Variants in AFG1L observed in about 807,000 individuals in gnomAD.
AFG1L encodes the protein AFG1 like ATPase.
AFG1L carries 53 observed loss-of-function variants against 62.2 expected under a neutral mutation model. The ratio of observed to expected loss-of-function variants is 0.85; its 90% CI spans 0.68 to 1.07. The LOEUF (loss-of-function observed/expected upper bound fraction) is 1.07. Ranked by LOEUF, AFG1L falls within the 50% of genes least tolerant of loss-of-function variation. AFG1L has a pLI of 0.00. For synonymous variants in AFG1L, 228 were observed against 210.3 expected, an observed-to-expected ratio of 1.08 and a Z score of -0.73; for missense variants, 555 against 590.5, an observed-to-expected ratio of 0.94 and a Z score of 0.62.
chr6:108,493,964 G>A (rs1773868601), intron 10 of AFG1L, among the ~76,000 whole-genome samples: 1 of 152,114 alleles, frequency 6.6e-6, no homozygotes, highest in South Asian at 2.1e-4. Flanking sequence ...AGCCTCCTGT[G>A]TAGCTACAGG....
At chr6:108,400,689 T>TTATA (rs796516789) in intron 6 of AFG1L, among the ~76,000 whole-genome samples, 5 of 99,022 alleles carry the variant, frequency 5.0e-5, no homozygotes, top group African/African-American at 1.4e-4. Context: ...TATTATATAA[T>TTATA]TATATATATA....
chr6:108,346,021 T>A (rs1164705830), intron 2 of AFG1L, among the ~76,000 whole-genome samples: 1 of 152,200 alleles, frequency 6.6e-6, no homozygotes, highest in Non-Finnish European at 1.5e-5. Flanking sequence ...AGGGAAAGAC[T>A]ACATGGCTGG....
Position 108,524,120 on chromosome 6 carries a change from A to G in AFG1L, c.*1695A>G, listed in dbSNP as rs1775235382. 1 of 152,216 alleles carries G rather than the reference A, an allele frequency of 6.6e-6. No individual in the cohort carries two copies. Among genetic ancestry groups the G allele is most frequent in the Non-Finnish European group, 1.5e-5 (1 of 68,030 alleles). 9.4% of individuals were successfully genotyped at this position (152,216 alleles called of 1,614,324 possible). A position where few individuals can be genotyped will look rare whatever the true frequency, so the allele number is the denominator to read the frequency against. ...TAACACACTGTCTCTTACTCTTACT[A>G]TTTAAAAAAAAGAGATTGTTTTAAA... is the stretch of plus-strand genomic sequence containing the variant. On this transcript the variant is annotated 3_prime_UTR_variant, in exon 13 of 13. Coordinates refer to ENST00000368977, the MANE Select transcript of AFG1L (RefSeq NM_145315.5).
chr6:108,311,909 G>A (rs909090023), intron 1 of AFG1L, among the ~76,000 whole-genome samples: 1 of 151,836 alleles, frequency 6.6e-6, no homozygotes, highest in African/African-American at 2.4e-5. Flanking sequence ...CTGTTGCCCA[G>A]GCTTGAGTAA....
At chr6:108,468,107 T>G (rs1201676379) in intron 8 of AFG1L, among the ~76,000 whole-genome samples, 1 of 152,190 alleles carries the variant, frequency 6.6e-6, no homozygotes, top group East Asian at 1.9e-4. Context: ...TGCCTTCAGA[T>G]GCCTGTTTTT....
intron 6 of AFG1L, among the ~76,000 whole-genome samples, chr6:108,396,503 T>C (rs1356032212): frequency 6.6e-6 from 1 of 152,198 alleles, no homozygotes; most frequent in African/African-American, 2.4e-5. Flanking sequence ...TTGTTTTGTT[T>C]TTTTTGAGGC....
In AFG1L at chr6:108,298,219, G is replaced by T. The variant is rs1776844586; in HGVS notation, c.139+3001G>T. On this transcript the variant is annotated intron_variant, in intron 1 of 12. Coordinates refer to ENST00000368977, the MANE Select transcript of AFG1L (RefSeq NM_145315.5). ...TCTAAGCCTGTTTGAAGTGTTATAA[G>T]ACTGCAGAGGAGGAAGCAGCTCTGC... Among the ~76,000 whole-genome samples, 5 of 150,922 alleles carry T rather than the reference G, an allele frequency of 3.3e-5. 1 individual carries two copies. In the South Asian group the frequency reaches 1.0e-3, roughly 32 times the overall value.
intron 10 of AFG1L, among the ~76,000 whole-genome samples, chr6:108,497,606 T>C (rs980299127): frequency 2.6e-5 from 4 of 152,114 alleles, no homozygotes; most frequent in Non-Finnish European, 4.4e-5. Context: ...TTCTAGTTCT[T>C]GTATACAGTA....
intron 1 of AFG1L, among the ~76,000 whole-genome samples, chr6:108,310,526 T>G (rs1364001427): frequency 2.0e-5 from 3 of 152,046 alleles, no homozygotes; most frequent in African/African-American, 7.2e-5. Context: ...TTATCAGAGA[T>G]GTGATTTGCA....
At chr6:108,447,885 C>A (rs1000609241) in intron 8 of AFG1L, among the ~76,000 whole-genome samples, 1 of 151,994 alleles carries the variant, frequency 6.6e-6, no homozygotes, top group East Asian at 1.9e-4. Flanking sequence ...TTTGTGAGAA[C>A]GTGAAAAGGA....
At chr6:108,497,436 G>T (rs1774016630) in intron 10 of AFG1L, among the ~76,000 whole-genome samples, 1 of 150,502 alleles carries the variant, frequency 6.6e-6, no homozygotes. Context: ...TTTTTCTGTT[G>T]CAATGCTGTT....
chr6:108,475,983 G>C (rs925913309), intron 8 of AFG1L, among the ~76,000 whole-genome samples: 4 of 152,160 alleles, frequency 2.6e-5, no homozygotes, highest in Admixed American at 2.6e-4. Context: ...TCAAAATTAA[G>C]CATATTGGCA....
At chr6:108,466,526 C>G (rs796405998) in intron 8 of AFG1L, among the ~76,000 whole-genome samples, 4 of 151,840 alleles carry the variant, frequency 2.6e-5, no homozygotes, top group South Asian at 4.2e-4. Context: ...AGGATAGGGC[C>G]TTAATCCAAT....
chr6:108,312,296 T>C (rs1353043293), intron 1 of AFG1L, among the ~76,000 whole-genome samples: 1 of 152,056 alleles, frequency 6.6e-6, no homozygotes, highest in African/African-American at 2.4e-5. Flanking sequence ...CCCAGCACTT[T>C]GGGAGCCGGA....
chr6:108,397,277 G>GCCA (rs1781358604), intron 6 of AFG1L, among the ~76,000 whole-genome samples: 1 of 152,174 alleles, frequency 6.6e-6, no homozygotes, highest in South Asian at 2.1e-4. Flanking sequence ...ACAGGCGTGT[G>GCCA]CCACCACACC....
chr6:108,498,118 G>A (rs1431217780), intron 10 of AFG1L, among the ~76,000 whole-genome samples: 2 of 152,132 alleles, frequency 1.3e-5, no homozygotes, highest in African/African-American at 2.4e-5. Flanking sequence ...CAGGCTAGCC[G>A]AGGTATTGCA....
intron 6 of AFG1L, among the ~76,000 whole-genome samples, chr6:108,393,618 A>G (rs1476222511): frequency 1.3e-5 from 2 of 152,146 alleles, no homozygotes; most frequent in Non-Finnish European, 2.9e-5. Context: ...TACATCTCTC[A>G]TTGTCATTAA....
At position 108,361,303 on chromosome 6, in the gene AFG1L, T is replaced by C. The variant is rs115214427; in HGVS notation, c.648+4483T>C. On this transcript the variant is annotated intron_variant, in intron 5 of 12. Transcript: ENST00000368977. Reference sequence around the variant, plus strand: ...CTGGCGCAGACCCTGGTTCTTCAGATGGAAGGTGCAAATCAATACACCACT... The same window carrying C: ...CTGGCGCAGACCCTGGTTCTTCAGACGGAAGGTGCAAATCAATACACCACT... Among the ~76,000 whole-genome samples, 571 of 152,314 alleles carry C rather than the reference T, an allele frequency of 3.7e-3. 6 individuals are homozygous for C. The highest frequency in any genetic ancestry group is 0.013 in the African/African-American group (548 of 41,572).
intron 12 of AFG1L, chr6:108,521,606 T>C (rs140425982): frequency 6.6e-6 from 1 of 152,308 alleles, no homozygotes; most frequent in East Asian, 1.9e-4. Context: ...AATGGATCAG[T>C]GGAGAAGATG....
Sources: gnomAD v4.1 joint callset for allele counts (sites outside exome capture counted in the v4.1 genomes callset) on GRCh38, gnomAD v4.1.1 for gene constraint, MANE v1.5 for transcripts, NCBI Gene and HGNC (gene_info 2026-07-23, HGNC 2026-07-21) for gene names.